ERC2: variants seen among roughly 807,000 people sequenced by gnomAD.
ERC2 encodes ERC protein 2.
A neutral mutation model predicts 114.8 loss-of-function variants in ERC2; 42 were observed. The ratio of observed to expected loss-of-function variants is 0.37; its 90% CI spans 0.29 to 0.47. The LOEUF (loss-of-function observed/expected upper bound fraction) is 0.47, where lower values mean the gene tolerates loss of function less well. ERC2 is among the 20% of genes least tolerant of loss of function. The probability of loss-of-function intolerance (pLI) is 0.99; values close to 1 mark genes in which losing one functional copy is unlikely to be tolerated. For synonymous variants in ERC2, 454 were observed against 425.5 expected, an observed-to-expected ratio of 1.07 and a Z score of -0.82; for missense variants, 939 against 1,150.7, an observed-to-expected ratio of 0.82 and a Z score of 2.66.
At chr3:55,607,886 G>A (rs1431649963) in intron 17 of ERC2, 2 of 152,066 alleles carry the variant, frequency 1.3e-5, no homozygotes, top group Non-Finnish European at 2.9e-5. Flanking sequence ...TGGTGTTGAC[G>A]TCTAAAAGGC....
chr3:56,458,279 T>A (rs895884331), intron 1 of ERC2, among the ~76,000 whole-genome samples: 2 of 152,070 alleles, frequency 1.3e-5, no homozygotes, highest in African/African-American at 4.8e-5. Flanking sequence ...TTGAAGCAAA[T>A]TGGACTAGAT....
At chr3:56,446,821 T>C (rs1292383789) in intron 1 of ERC2, among the ~76,000 whole-genome samples, 4 of 151,206 alleles carry the variant, frequency 2.6e-5, no homozygotes, top group Non-Finnish European at 5.9e-5. Context: ...GGGACAGAGT[T>C]TCACCATGTT....
At chr3:56,094,968 T>G (rs2077976396) in intron 6 of ERC2, among the ~76,000 whole-genome samples, 1 of 152,148 alleles carries the variant, frequency 6.6e-6, no homozygotes, top group African/African-American at 2.4e-5. Flanking sequence ...CTAAAACAGA[T>G]GGGGTTGGGG....
intron 3 of ERC2, among the ~76,000 whole-genome samples, chr3:56,207,028 A>G (rs1341397496): frequency 6.6e-6 from 1 of 152,218 alleles, no homozygotes; most frequent in Non-Finnish European, 1.5e-5. Flanking sequence ...AGTGACTTTA[A>G]GGAGAGAGGT....
At chr3:55,982,988 A>G (rs150692209) in intron 12 of ERC2, among the ~76,000 whole-genome samples, 2,478 of 152,354 alleles carry the variant, frequency 0.016, 23 homozygotes, top group Non-Finnish European at 0.026. Flanking sequence ...GGCGCCAGCC[A>G]TCAGCTTGAG....
chr3:55,817,756 C>A (rs2059960964), intron 14 of ERC2, among the ~76,000 whole-genome samples: 1 of 152,138 alleles, frequency 6.6e-6, no homozygotes, highest in Non-Finnish European at 1.5e-5. Context: ...TTTATAGTAT[C>A]CGTTCATGGT....
At position 56,418,172 on chromosome 3, in the gene ERC2, C is replaced by T. The variant is rs150678846; in HGVS notation, c.657+16179G>A. ...TATTAGGTGAGCATGTTGGTACATG[C>T]CTGTAGTCCTGGCTACTCAGGAGGA... On this transcript the variant is annotated intron_variant, in intron 2 of 17. Coordinates refer to ENST00000288221, the MANE Select transcript of ERC2 (RefSeq NM_015576.3). 6.4e-4 allele frequency among the ~76,000 whole-genome samples: 97 copies of T among 151,948 alleles called. 1 individual carries two copies. In the East Asian group the frequency reaches 0.017, roughly 26 times the overall value.
chr3:56,191,339 T>G (rs761734716), intron 3 of ERC2, among the ~76,000 whole-genome samples: 4 of 152,148 alleles, frequency 2.6e-5, no homozygotes, highest in Non-Finnish European at 5.9e-5. Context: ...CACTGCAAAC[T>G]GTCTGAGTCT....
intron 7 of ERC2, among the ~76,000 whole-genome samples, chr3:56,062,668 C>T (rs920482914): frequency 2.6e-5 from 4 of 152,134 alleles, no homozygotes; most frequent in Non-Finnish European, 5.9e-5. Flanking sequence ...CACCCAAACA[C>T]ACATATGCAT....
At chr3:55,708,885 G>T (rs2063623300) in intron 15 of ERC2, among the ~76,000 whole-genome samples, 1 of 151,088 alleles carries the variant, frequency 6.6e-6, no homozygotes, top group African/African-American at 2.4e-5. Flanking sequence ...GAAGAGGAGA[G>T]GTAAGGAGAA....
At chr3:55,821,915 CAG>C (rs1479486383) in intron 14 of ERC2, among the ~76,000 whole-genome samples, 2 of 152,220 alleles carry the variant, frequency 1.3e-5, no homozygotes, top group Non-Finnish European at 2.9e-5. Context: ...GGTGTCAGGA[CAG>C]AGAGAGAATG....
In ERC2 at chr3:55,967,078, G is replaced by A. The variant is rs1245380281; in HGVS notation, c.2268-16518C>T. Among the ~76,000 whole-genome samples, 3 of 152,196 alleles carry A rather than the reference G, an allele frequency of 2.0e-5. No individual in the cohort carries two copies. The East Asian group carries it at 5.8e-4, about 29-fold the overall frequency. ...ACTCCTTGAAAATAGACAGACAGGA[G>A]TAAGCTTACTCTAACATTCTTCATA... On this transcript the variant is annotated intron_variant, in intron 12 of 17. Coordinates refer to ENST00000288221, the MANE Select transcript of ERC2 (RefSeq NM_015576.3).
At position 55,641,197 on chromosome 3, in the gene ERC2, T is replaced by C. The variant is rs140974830; in HGVS notation, c.*39+42597A>G. The stretch of plus-strand genomic sequence containing the variant: ...GAAAGACAGAGACCCAATGCCATTG[T>C]TTTTAGCCCCTAGATGCAGCCATAC... On this transcript the variant is annotated intron_variant, in intron 17 of 17. Transcript: ENST00000288221. Among the ~76,000 whole-genome samples, 411 of 152,250 alleles carry C rather than the reference T, an allele frequency of 2.7e-3. 2 individuals carry two copies. The highest frequency in any genetic ancestry group is 9.7e-3 in the African/African-American group (403 of 41,534).
intron 16 of ERC2, among the ~76,000 whole-genome samples, chr3:55,692,343 A>G (rs1232201563): frequency 6.6e-6 from 1 of 152,182 alleles, no homozygotes; most frequent in Non-Finnish European, 1.5e-5. Flanking sequence ...CTTGTGGACT[A>G]AGCATAAAAT....
At chr3:56,289,616 T>C (rs1265102324) in intron 3 of ERC2, among the ~76,000 whole-genome samples, 1 of 152,150 alleles carries the variant, frequency 6.6e-6, no homozygotes, top group Non-Finnish European at 1.5e-5. Context: ...CCTCAAACTC[T>C]CCACAGTTCC....
chr3:56,418,864 G>C (rs1443318874), intron 2 of ERC2, among the ~76,000 whole-genome samples: 1 of 152,160 alleles, frequency 6.6e-6, no homozygotes, highest in Non-Finnish European at 1.5e-5. Flanking sequence ...GGAGGATACT[G>C]TGCCCACTCT....
intron 1 of ERC2, among the ~76,000 whole-genome samples, chr3:56,458,362 C>T (rs529190571): frequency 1.3e-5 from 2 of 152,250 alleles, no homozygotes; most frequent in South Asian, 2.1e-4. Context: ...GGGCTTGTGA[C>T]CCCAGGTCAG....
intron 2 of ERC2, among the ~76,000 whole-genome samples, chr3:56,417,089 G>C (rs529190087): frequency 6.6e-6 from 1 of 152,236 alleles, no homozygotes; most frequent in Admixed American, 6.5e-5. Context: ...AGCAAAATAG[G>C]CCAAAGTTTA....
chr3:55,526,741 C>T (rs1019870309), intron 17 of ERC2, among the ~76,000 whole-genome samples: 4 of 152,172 alleles, frequency 2.6e-5, no homozygotes, highest in East Asian at 1.9e-4. Context: ...ACAGGAAGCA[C>T]GAGGGGACTC....
Sources: allele counts gnomAD v4.1 joint callset (sites outside exome capture counted in the v4.1 genomes callset), GRCh38; gene constraint gnomAD v4.1.1; transcripts MANE v1.5; gene names NCBI Gene and HGNC (gene_info 2026-07-23, HGNC 2026-07-21).